Variants in PARD3 observed in about 807,000 individuals in gnomAD.
PARD3 encodes partitioning defective 3 homolog.
Under a neutral mutation model 155.4 loss-of-function variants are expected in PARD3, and 75 were observed. That is an observed-to-expected ratio of 0.48 (90% CI 0.40 to 0.58). The LOEUF (loss-of-function observed/expected upper bound fraction) is 0.58, where lower values mean the gene tolerates loss of function less well. Among genes scored for constraint, PARD3 ranks in the 20% least tolerant of loss-of-function variants. The probability of loss-of-function intolerance (pLI) is 0.00; values close to 1 mark genes in which losing one functional copy is unlikely to be tolerated. For missense variants in PARD3, 1,642 were observed against 1,721.7 expected (o/e 0.95, Z 0.82); for synonymous variants, 576 against 610.5 (o/e 0.94, Z 0.83).
At chr10:34,503,198 AT>A (rs2080832109) in intron 3 of PARD3, among the ~76,000 whole-genome samples, 1 of 152,216 alleles carries the variant, frequency 6.6e-6, no homozygotes, top group Non-Finnish European at 1.5e-5. Context: ...TTCTTTTCCA[AT>A]TCATTAACAC....
intron 19 of PARD3, among the ~76,000 whole-genome samples, chr10:34,319,164 C>T (rs1372256585): frequency 1.3e-5 from 2 of 149,778 alleles, no homozygotes; most frequent in African/African-American, 4.9e-5. Flanking sequence ...TCTTGGCTCA[C>T]TGCAATCTCC....
At position 34,639,479 on chromosome 10, in the gene PARD3, C is replaced by T. The variant is rs138765467; in HGVS notation, c.222+56839G>A. On this transcript the variant is annotated intron_variant, in intron 2 of 24. Coordinates refer to ENST00000374788, the MANE Select transcript of PARD3 (RefSeq NM_001184785.2). ...CATTTCATGCCCTAGGGCACATCCC[C>T]GTTAGTGTGGTGGAGGATGAGAATC... is the stretch of plus-strand genomic sequence containing the variant. 9.9e-3 allele frequency among the ~76,000 whole-genome samples: 1,501 copies of T among 152,312 alleles called. 28 individuals carry two copies. Among genetic ancestry groups the T allele is most frequent in the African/African-American group, 0.033 (1,382 of 41,576 alleles).
At chr10:34,664,881 A>G (rs117175708) in intron 2 of PARD3, among the ~76,000 whole-genome samples, 22 of 152,236 alleles carry the variant, frequency 1.4e-4, no homozygotes, top group Non-Finnish European at 2.5e-4. Context: ...CTTAGCATGT[A>G]GAATGTTGAA....
At chr10:34,355,936 AAAAAAAAAAACAAAACAAAACC>A (rs1838781203) in intron 14 of PARD3, among the ~76,000 whole-genome samples, 1 of 114,432 alleles carries the variant, frequency 8.7e-6, no homozygotes, top group African/African-American at 4.1e-5. Flanking sequence ...AAAAAAAAAA[AAAAAAAAAAACAAAACAAAACC>A]AAACAAAAAA....
chr10:34,676,996 T>C (rs1174990071), intron 2 of PARD3, among the ~76,000 whole-genome samples: 2 of 152,210 alleles, frequency 1.3e-5, no homozygotes, highest in Non-Finnish European at 2.9e-5. Flanking sequence ...TTACTCAAAT[T>C]ACATTAATTT....
intron 2 of PARD3, among the ~76,000 whole-genome samples, chr10:34,650,729 C>T (rs1044667760): frequency 3.3e-5 from 5 of 152,142 alleles, no homozygotes; most frequent in African/African-American, 1.2e-4. Context: ...AAACACAGTC[C>T]AGCCGGGCAC....
chr10:34,708,166 G>A (rs979016678), intron 1 of PARD3, among the ~76,000 whole-genome samples: 5 of 151,460 alleles, frequency 3.3e-5, no homozygotes, highest in Non-Finnish European at 5.9e-5. Flanking sequence ...AGAGAACCAA[G>A]GTAAACAATA....
At chr10:34,677,153 T>G (rs1339055844) in intron 2 of PARD3, among the ~76,000 whole-genome samples, 1 of 152,148 alleles carries the variant, frequency 6.6e-6, no homozygotes, top group Non-Finnish European at 1.5e-5. Flanking sequence ...ATTTTCAGTA[T>G]TTCAGTGTTG....
chr10:34,195,814 AC>A (rs1013212752), intron 22 of PARD3, among the ~76,000 whole-genome samples: 6 of 152,184 alleles, frequency 3.9e-5, no homozygotes, highest in African/African-American at 1.4e-4. Flanking sequence ...ATCACTGCAA[AC>A]CTGAAAATCT....
chr10:34,114,029 G>A (rs999109759), intron 24 of PARD3, among the ~76,000 whole-genome samples: 2 of 152,158 alleles, frequency 1.3e-5, no homozygotes, highest in Non-Finnish European at 2.9e-5. Context: ...GGATGAGGTG[G>A]GAGGACTGCT....
At chr10:34,251,225 C>T (rs1373974693) in intron 22 of PARD3, among the ~76,000 whole-genome samples, 1 of 152,140 alleles carries the variant, frequency 6.6e-6, no homozygotes, top group Non-Finnish European at 1.5e-5. Context: ...GTGGTGTTTA[C>T]ACATAAAAGA....
intron 23 of PARD3, among the ~76,000 whole-genome samples, chr10:34,126,584 C>G (rs1854363): frequency 6.6e-6 from 1 of 151,954 alleles, no homozygotes; most frequent in Non-Finnish European, 1.5e-5. Flanking sequence ...ATACAGTGAC[C>G]CTTCAAGGTC....
In PARD3 at chr10:34,176,947, T is replaced by TTG. The variant is rs55740137; in HGVS notation, c.3420-45366_3420-45365dup. Among the ~76,000 whole-genome samples the TTG allele has an allele frequency of 2.9e-3, 439 of 149,572 alleles. 5 individuals carry two copies. The highest frequency in any genetic ancestry group is 0.014 in the East Asian group (72 of 5,000). Reference sequence around the variant, plus strand: ...AAAGTCCTTCCTTAGGAGAAGCAGGTTGTGTGTGTGTGTGTGTGTGTGTCA... The same window carrying TTG: ...AAAGTCCTTCCTTAGGAGAAGCAGGTTGTGTGTGTGTGTGTGTGTGTGTGTCA... On this transcript the variant is annotated intron_variant, in intron 22 of 24. Transcript: ENST00000374788.
chr10:34,500,000 A>T (rs2080574138), intron 3 of PARD3, among the ~76,000 whole-genome samples: 1 of 152,252 alleles, frequency 6.6e-6, no homozygotes, highest in Admixed American at 6.5e-5. Context: ...ACAAGAAAAA[A>T]AGTCTGTACA....
chr10:34,441,256 T>C (rs1262659827), intron 5 of PARD3, among the ~76,000 whole-genome samples: 8 of 152,102 alleles, frequency 5.3e-5, no homozygotes, highest in Admixed American at 5.2e-4. Flanking sequence ...AACCTAATGT[T>C]ACCTAAAAAG....
chr10:34,326,401 G>A (rs534042287), intron 19 of PARD3, among the ~76,000 whole-genome samples: 21 of 152,180 alleles, frequency 1.4e-4, no homozygotes, highest in African/African-American at 4.8e-4. Flanking sequence ...TAGCATTTCA[G>A]AACAAGTATT....
intron 9 of PARD3, among the ~76,000 whole-genome samples, chr10:34,379,416 T>C (rs1192612092): frequency 1.3e-5 from 2 of 152,158 alleles, no homozygotes; most frequent in Non-Finnish European, 2.9e-5. Context: ...ATGTCTTCCA[T>C]GCTGAACACC....
intron 3 of PARD3, among the ~76,000 whole-genome samples, chr10:34,505,724 T>C (rs1419656046): frequency 6.6e-6 from 1 of 152,212 alleles, no homozygotes; most frequent in African/African-American, 2.4e-5. Flanking sequence ...CAGTTACTAT[T>C]ATAAAGTGTA....
intron 22 of PARD3, among the ~76,000 whole-genome samples, chr10:34,240,065 A>G (rs1333649955): frequency 2.0e-5 from 3 of 152,080 alleles, no homozygotes; most frequent in Non-Finnish European, 4.4e-5. Flanking sequence ...TTAGCGTATG[A>G]CCCCCGTCTA....
Sources: allele counts gnomAD v4.1 joint callset (sites outside exome capture counted in the v4.1 genomes callset), GRCh38; gene constraint gnomAD v4.1.1; transcripts MANE v1.5; gene names NCBI Gene and HGNC (gene_info 2026-07-23, HGNC 2026-07-21).